Variants in FHDC1 observed in about 807,000 individuals in gnomAD.
FHDC1 encodes the protein FH2 domain containing 1, also known as FH2 domain-containing protein 1.
In FHDC1, 25 loss-of-function variants were observed where a neutral mutation model predicts 52.6. That is an observed-to-expected ratio of 0.48 (90% CI 0.35 to 0.66). FHDC1 has a LOEUF of 0.66. Ranked by LOEUF, FHDC1 falls within the 30% of genes least tolerant of loss-of-function variation. The pLI, the probability that FHDC1 is intolerant of heterozygous loss-of-function variation, is 0.01. For synonymous variants in FHDC1, 616 were observed against 581.5 expected, an observed-to-expected ratio of 1.06 and a Z score of -0.85; for missense variants, 1,459 against 1,452.8, an observed-to-expected ratio of 1.00 and a Z score of -0.07.
chr4:152,948,687 C>G (rs1272431231), intron 2 of FHDC1, among the ~76,000 whole-genome samples: 1 of 152,088 alleles, frequency 6.6e-6, no homozygotes, highest in Admixed American at 6.5e-5. Flanking sequence ...AACTCCTGAC[C>G]TCACGTGATT....
In FHDC1 at chr4:152,979,123, C is replaced by G. The variant is rs987626253; in HGVS notation, c.*2400C>G. ...GAGGGATCGGGACCTCTTGGAGGAA[C>G]CCTGGGTACCAAGCTCCCAGGCCCT... On this transcript the variant is annotated 3_prime_UTR_variant, in exon 12 of 12. Transcript: ENST00000511601. 1 of 152,194 alleles carries G rather than the reference C, an allele frequency of 6.6e-6. No homozygotes were observed. Among genetic ancestry groups the G allele is most frequent in the Non-Finnish European group, 1.5e-5 (1 of 68,036 alleles). The allele number at this position is 152,194 out of a possible 1,614,324, so 9.4% of individuals were successfully genotyped here.
intron 1 of FHDC1, among the ~76,000 whole-genome samples, chr4:152,938,219 A>C (rs1249523074): frequency 1.5e-5 from 2 of 129,804 alleles, no homozygotes; most frequent in Non-Finnish European, 3.3e-5. Flanking sequence ...TGGTTTTGGG[A>C]CAGTGAGAGA....
Position 152,963,039 on chromosome 4 carries a change from A to G in FHDC1, c.938A>G (p.Asn313Ser). 6.2e-7 allele frequency: 1 copy of G among 1,612,990 alleles called. No individual in the cohort carries two copies. The change falls in exon 8 of 12, where the codon AAT (asparagine) becomes AGT (serine). Residue 313 changes from asparagine to serine, a missense_variant. Asn to Ser is a conservative substitution (Grantham distance 46, BLOSUM62 1). Coordinates refer to ENST00000511601, the MANE Select transcript of FHDC1 (RefSeq NM_001371116.1). Reference sequence around the variant, plus strand: ...CTTCTTTAGGGAGGGTATGCCGGCAATGCAGTAGGATTTAAACTGTCTTCT... The same window carrying G: ...CTTCTTTAGGGAGGGTATGCCGGCAGTGCAGTAGGATTTAAACTGTCTTCT... ...NIMNAGGYAG[N>S]AVGFKLSSLL...
the FHDC1 span, among the ~76,000 whole-genome samples, chr4:152,914,673 TACC>T: frequency 6.6e-6 from 1 of 152,234 alleles, no homozygotes; most frequent in South Asian, 2.1e-4. Flanking sequence ...AGGAACAGGA[TACC>T]ATTTTGTCGA....
At chr4:152,913,702 C>T in the FHDC1 span, among the ~76,000 whole-genome samples, 10 of 151,644 alleles carry the variant, frequency 6.6e-5, no homozygotes, top group Non-Finnish European at 8.8e-5. Context: ...TTTTTTGAGA[C>T]GGAGTTTCAC....
intron 4 of FHDC1, among the ~76,000 whole-genome samples, chr4:152,957,395 T>C (rs1368192165): frequency 6.6e-6 from 1 of 152,224 alleles, no homozygotes; most frequent in Non-Finnish European, 1.5e-5. Context: ...AGACACTCCT[T>C]GTTTTACAAA....
At chr4:152,931,446 A>C (rs1739250711), upstream of FHDC1, among the ~76,000 whole-genome samples, 1 of 134,240 alleles carries the variant, frequency 7.4e-6, no homozygotes, top group Admixed American at 7.7e-5. Flanking sequence ...TTCCATCTCC[A>C]GCCTCTAAAA....
intron 2 of FHDC1, among the ~76,000 whole-genome samples, chr4:152,949,333 A>T (rs1419477082): frequency 2.6e-5 from 4 of 151,398 alleles, no homozygotes; most frequent in Non-Finnish European, 5.9e-5. Flanking sequence ...CTTAAAAATT[A>T]TCCAGGTGTG....
At position 152,962,740 on chromosome 4, in the gene FHDC1, G is replaced by A. The variant is rs556794071; in HGVS notation, c.851-74G>A. On this transcript the variant is annotated intron_variant, in intron 6 of 11. Coordinates refer to ENST00000511601, the MANE Select transcript of FHDC1 (RefSeq NM_001371116.1). ...TTTGCTTCAGATACACTTGAACTTG[G>A]ATGTGGTAGCTGTCTTTTGTGCATT... The A allele has an allele frequency of 7.3e-6, 9 of 1,236,144 alleles. No individual in the cohort carries two copies. In the South Asian group the frequency reaches 1.1e-4, roughly 15 times the overall value. The allele number at this position is 1,236,144 out of a possible 1,614,324, so 76.6% of individuals were successfully genotyped here. A position where few individuals can be genotyped will look rare whatever the true frequency, so the allele number is the denominator to read the frequency against.
intron 1 of FHDC1, among the ~76,000 whole-genome samples, chr4:152,940,356 T>C (rs1739542867): frequency 1.3e-5 from 2 of 152,260 alleles, no homozygotes; most frequent in Admixed American, 1.3e-4. Flanking sequence ...TTTTGTTTCC[T>C]TTAACTTTTA....
chr4:152,963,184 A>T, intron 8 of FHDC1, 54 bp downstream of exon 8: 1 of 1,499,302 alleles, frequency 6.7e-7, no homozygotes, highest in Non-Finnish European at 9.2e-7. Flanking sequence ...CCTTGGAGGC[A>T]GTGAAGTTTT....
At position 152,976,476 on chromosome 4, in the gene FHDC1, G is replaced by A. The variant is rs774934667; in HGVS notation, c.3185G>A (p.Arg1062Gln). ...PPVAKAPGIT[R>Q]TVSQRQLRVK... ...GTGGCCAAAGCCCCCGGCATCACTC[G>A]GACAGTGTCGCAGCGGCAGCTGAGG... is the stretch of plus-strand genomic sequence containing the variant. Residue 1062 changes from arginine to glutamine, a missense_variant, in exon 12 of 12, where the codon CGG becomes CAG. Arg to Gln is a conservative substitution (Grantham distance 43). This residue lies in a region of FHDC1 where 939 missense variants were observed against 854.5 expected (regional missense o/e 1.10). Transcript: ENST00000511601. 2.0e-5 allele frequency: 33 copies of A among 1,613,480 alleles called. No individual in the cohort carries two copies. Among genetic ancestry groups the A allele is most frequent in the Admixed American group, 6.7e-5 (4 of 60,010 alleles).
intron 4 of FHDC1, 44 bp downstream of exon 4, chr4:152,954,363 T>C: frequency 6.6e-7 from 1 of 1,512,248 alleles, no homozygotes; most frequent in Non-Finnish European, 9.2e-7. Context: ...GGAGTGATCA[T>C]AAAAGCTTAA....
chr4:152,920,011 A>G, the FHDC1 span, among the ~76,000 whole-genome samples: 140 of 131,408 alleles, frequency 1.1e-3, 1 homozygote, highest in East Asian at 1.6e-3. Context: ...GCAGTGGCGC[A>G]ATCTTGGCTC....
intron 9 of FHDC1, among the ~76,000 whole-genome samples, chr4:152,967,736 T>C (rs1308541580): frequency 6.6e-6 from 1 of 152,246 alleles, no homozygotes; most frequent in Non-Finnish European, 1.5e-5. Flanking sequence ...TGGTTTTGTT[T>C]ATCTTACCAT....
the FHDC1 span, among the ~76,000 whole-genome samples, chr4:152,913,230 A>C: frequency 1.3e-5 from 2 of 152,190 alleles, no homozygotes; most frequent in Non-Finnish European, 2.9e-5. Context: ...GAAAAAATCC[A>C]TCTCCCCGCA....
At position 152,964,423 on chromosome 4, in the gene FHDC1, C is replaced by T. The variant is rs965748785; in HGVS notation, c.1030-482C>T. Among the ~76,000 whole-genome samples the T allele has an allele frequency of 1.3e-5, 2 of 152,318 alleles. 1 individual carries two copies. On this transcript the variant is annotated intron_variant, in intron 8 of 11. Transcript: ENST00000511601. ...GGTAACTTGGTCTCTGTCCATGTGG[C>T]GAAGCCTCCTGGGTCAGTCATTGCT...
intron 2 of FHDC1, among the ~76,000 whole-genome samples, chr4:152,947,565 G>A (rs1739772444): frequency 6.6e-6 from 1 of 152,150 alleles, no homozygotes; most frequent in African/African-American, 2.4e-5. Flanking sequence ...CAGCTCTTAA[G>A]GGGAGGGCTG....
At chr4:152,966,380 C>A (rs558249743) in intron 9 of FHDC1, among the ~76,000 whole-genome samples, 16 of 152,334 alleles carry the variant, frequency 1.1e-4, no homozygotes, top group African/African-American at 3.8e-4. Context: ...ATGAATGCAT[C>A]CTAATTTATG....
Sources: gnomAD v4.1 joint callset for allele counts (sites outside exome capture counted in the v4.1 genomes callset) on GRCh38, gnomAD v4.1.1 for gene constraint, gnomAD v4.1.1 regional missense constraint, MANE v1.5 for transcripts, NCBI Gene and HGNC (gene_info 2026-07-23, HGNC 2026-07-21) for gene names.